CLSTN2: variants seen among roughly 807,000 people sequenced by gnomAD.
CLSTN2 encodes the protein calsyntenin-2.
In CLSTN2, 48 loss-of-function variants were observed where a neutral mutation model predicts 101.2. That is an observed-to-expected ratio of 0.47 (90% CI 0.38 to 0.60). The LOEUF (loss-of-function observed/expected upper bound fraction) is 0.60. Ranked by LOEUF, CLSTN2 falls within the 20% of genes least tolerant of loss-of-function variation. The pLI is 0.00. For missense variants in CLSTN2, 1,160 were observed against 1,238.2 expected, an observed-to-expected ratio of 0.94 and a Z score of 0.95; for synonymous variants, 481 against 463.6, an observed-to-expected ratio of 1.04 and a Z score of -0.48.
intron 1 of CLSTN2, among the ~76,000 whole-genome samples, chr3:140,149,523 T>C (rs1300945938): frequency 1.3e-5 from 2 of 152,186 alleles, no homozygotes; most frequent in African/African-American, 4.8e-5. Context: ...TGGCACGATC[T>C]TGGCTCACTG....
Position 139,935,664 on chromosome 3 carries a change from A to T in CLSTN2, c.109+181A>T, listed in dbSNP as rs527690134. On this transcript the variant is annotated intron_variant, in intron 1 of 16. Coordinates refer to ENST00000458420, the MANE Select transcript of CLSTN2 (RefSeq NM_022131.3). The surrounding 1 kb of genome is among the most constrained non-coding windows in gnomAD (Gnocchi z 5.5). ...CCTGCGCAGCGGACCAGAGAGGTCC[A>T]CCCGCGGACGTCAACTCAACCCCTG... is the stretch of plus-strand genomic sequence containing the variant. Among the ~76,000 whole-genome samples the T allele has an allele frequency of 6.6e-6, 1 of 152,118 alleles. No homozygotes were observed. Among genetic ancestry groups the T allele is most frequent in the African/African-American group, 2.4e-5 (1 of 41,430 alleles).
At position 140,577,173 on chromosome 3, in the gene CLSTN2, T is replaced by C. The variant is rs1429042993; in HGVS notation, c.*10920T>C. On this transcript the variant is annotated 3_prime_UTR_variant, in exon 17 of 17. Coordinates refer to ENST00000458420, the MANE Select transcript of CLSTN2 (RefSeq NM_022131.3). ...TCATCACAGGAATCTGTTGGGCTTC[T>C]CCCCATGACTGTGATCTTACCCATG... The C allele has an allele frequency of 4.6e-5, 7 of 152,226 alleles. No homozygotes were observed. The highest frequency in any genetic ancestry group is 1.7e-4 in the African/African-American group (7 of 41,440). The allele number at this position is 152,226 out of a possible 1,614,324, so 9.4% of individuals were successfully genotyped here.
At chr3:140,509,306 C>T (rs983859258) in intron 8 of CLSTN2, among the ~76,000 whole-genome samples, 85 of 152,318 alleles carry the variant, frequency 5.6e-4, no homozygotes, top group African/African-American at 1.2e-3. Flanking sequence ...GGTTCTCAAA[C>T]TTAACCACAC....
intron 2 of CLSTN2, among the ~76,000 whole-genome samples, chr3:140,360,052 C>T (rs1489521468): frequency 6.6e-6 from 1 of 151,668 alleles, no homozygotes; most frequent in African/African-American, 2.4e-5. Context: ...TTTCCTCATA[C>T]AATTTCTCCC....
At position 140,425,596 on chromosome 3, in the gene CLSTN2, T is replaced by A. The variant is rs2088558456; in HGVS notation, c.787+4322T>A. On this transcript the variant is annotated intron_variant, in intron 5 of 16. Coordinates refer to ENST00000458420, the MANE Select transcript of CLSTN2 (RefSeq NM_022131.3). Reference sequence around the variant, plus strand: ...TCTTGCAGCCCATGGCACTGAACTTTCCATCCATCACCTAAGCATGAACTA... The same window carrying A: ...TCTTGCAGCCCATGGCACTGAACTTACCATCCATCACCTAAGCATGAACTA... Among the ~76,000 whole-genome samples, 4 of 152,202 alleles carry A rather than the reference T, an allele frequency of 2.6e-5. No individual in the cohort carries two copies. The South Asian group carries it at 8.3e-4, about 32-fold the overall frequency.
chr3:140,324,401 T>C (rs2087312848), intron 2 of CLSTN2, among the ~76,000 whole-genome samples: 1 of 152,216 alleles, frequency 6.6e-6, no homozygotes, highest in Non-Finnish European at 1.5e-5. Context: ...TATATAATGT[T>C]AAGTGGGTAA....
chr3:140,260,960 G>C (rs1421877425), intron 2 of CLSTN2, among the ~76,000 whole-genome samples: 2 of 152,104 alleles, frequency 1.3e-5, no homozygotes, highest in Non-Finnish European at 2.9e-5. Flanking sequence ...AAACCACAGG[G>C]GTGAGGTACC....
At chr3:140,423,159 A>AAATT (rs2088524378) in intron 5 of CLSTN2, among the ~76,000 whole-genome samples, 1 of 152,238 alleles carries the variant, frequency 6.6e-6, no homozygotes, top group African/African-American at 2.4e-5. Context: ...TTTATTCCTA[A>AAATT]ATTTAAATAT....
chr3:140,420,756 C>A (rs907817646), intron 4 of CLSTN2, among the ~76,000 whole-genome samples: 1 of 152,214 alleles, frequency 6.6e-6, no homozygotes, highest in East Asian at 1.9e-4. Flanking sequence ...CAGAGATATC[C>A]TTGCAGATGA....
intron 2 of CLSTN2, among the ~76,000 whole-genome samples, chr3:140,189,294 A>G (rs191910409): frequency 5.9e-5 from 9 of 152,326 alleles, no homozygotes; most frequent in African/African-American, 2.2e-4. Flanking sequence ...TGGGTCATAT[A>G]GTAGTTGCCT....
intron 2 of CLSTN2, among the ~76,000 whole-genome samples, chr3:140,224,997 A>G (rs2086305847): frequency 6.6e-6 from 1 of 152,230 alleles, no homozygotes; most frequent in Non-Finnish European, 1.5e-5. Context: ...TCCACCAGCA[A>G]GTGCGCCAGC....
intron 8 of CLSTN2, among the ~76,000 whole-genome samples, chr3:140,528,636 C>CAAAAAAAAAAAAA (rs3057900): frequency 1.7e-4 from 25 of 148,980 alleles, no homozygotes; most frequent in African/African-American, 6.3e-4. Context: ...GTGCCTCTGA[C>CAAAAAAAAAAAAA]AAAAAAAAGA....
intron 2 of CLSTN2, among the ~76,000 whole-genome samples, chr3:140,334,797 C>T (rs759738826): frequency 2.6e-5 from 4 of 152,000 alleles, no homozygotes; most frequent in Middle Eastern, 3.4e-3. Flanking sequence ...GTCAACAGGC[C>T]GAAGTTGGAA....
At chr3:139,977,848 C>T (rs1200311424) in intron 1 of CLSTN2, among the ~76,000 whole-genome samples, 2 of 152,176 alleles carry the variant, frequency 1.3e-5, no homozygotes, top group Non-Finnish European at 2.9e-5. Context: ...TATTCTTCAC[C>T]TGCTGAGAAA....
intron 2 of CLSTN2, among the ~76,000 whole-genome samples, chr3:140,278,343 T>C (rs537477618): frequency 3.2e-5 from 2 of 63,224 alleles, no homozygotes; most frequent in South Asian, 1.3e-3. Flanking sequence ...GCTATTTTTC[T>C]CCAGGGCTCA....
chr3:140,229,436 C>T (rs917680347), intron 2 of CLSTN2, among the ~76,000 whole-genome samples: 5 of 152,054 alleles, frequency 3.3e-5, no homozygotes, highest in Admixed American at 1.3e-4. Flanking sequence ...GTCTGAGACG[C>T]CACATTCCCA....
At chr3:140,005,888 G>A (rs902288040) in intron 1 of CLSTN2, among the ~76,000 whole-genome samples, 2 of 152,190 alleles carry the variant, frequency 1.3e-5, no homozygotes, top group Admixed American at 1.3e-4. Flanking sequence ...TAACAAAATT[G>A]TAGAAAGGTG....
chr3:140,081,630 C>A (rs1250236709), intron 1 of CLSTN2, among the ~76,000 whole-genome samples: 2 of 151,444 alleles, frequency 1.3e-5, no homozygotes, highest in Non-Finnish European at 2.9e-5. Context: ...CTGCAGAGTC[C>A]TCCCTTTCCT....
At chr3:140,160,549 T>C (rs543129047) in intron 1 of CLSTN2, among the ~76,000 whole-genome samples, 1 of 152,316 alleles carries the variant, frequency 6.6e-6, no homozygotes, top group Non-Finnish European at 1.5e-5. Context: ...ATTTTTCTCA[T>C]TCCATGCTGG....
Sources: gnomAD v4.1 joint callset for allele counts (sites outside exome capture counted in the v4.1 genomes callset) on GRCh38, gnomAD v4.1.1 for gene constraint, Gnocchi (gnomAD v3.1) non-coding constraint, MANE v1.5 for transcripts, NCBI Gene and HGNC (gene_info 2026-07-23, HGNC 2026-07-21) for gene names.